Variants in SLC3A1 observed in about 807,000 individuals in gnomAD.
The protein encoded by SLC3A1 is amino acid transporter heavy chain SLC3A1.
In SLC3A1, 78 loss-of-function variants were observed where a neutral mutation model predicts 60.3. The observed-to-expected ratio is 1.29, with a 90% CI of 1.08 to 1.56. The LOEUF is 1.56. Ranked by LOEUF, SLC3A1 falls within the 40% of genes most tolerant of loss-of-function variation. The probability of loss-of-function intolerance (pLI) is 0.00; values close to 1 mark genes in which losing one functional copy is unlikely to be tolerated. For missense variants in SLC3A1, 1,172 were observed against 858.9 expected (o/e 1.36, Z -4.56); for synonymous variants, 392 against 307.9 (o/e 1.27, Z -2.86).
At position 44,304,314 on chromosome 2, in the gene SLC3A1, A is replaced by G. The variant is rs1329230666; in HGVS notation, c.1308A>G (p.Pro436=). 1 of 1,614,150 alleles carries G rather than the reference A, an allele frequency of 6.2e-7. No homozygotes were observed. The highest frequency in any genetic ancestry group is 8.5e-7 in the Non-Finnish European group (1 of 1,179,962). ...TCACATCCTGGATGGAAAACATGCCAGAAGGAAAATGGCCTAACTGGATGG... is the reference window on the plus strand; with the variant it reads ...TCACATCCTGGATGGAAAACATGCCGGAAGGAAAATGGCCTAACTGGATGG... ...EVITSWMENM[P]EGKWPNWMIG... is the part of the protein sequence containing the mutation. The change falls in exon 7 of 10, where the codon CCA becomes CCG. Residue 436 remains proline (P), a synonymous_variant. Transcript: ENST00000260649.
intron 4 of SLC3A1, among the ~76,000 whole-genome samples, chr2:44,288,668 A>G (rs1204943851): frequency 1.3e-5 from 2 of 152,150 alleles, no homozygotes; most frequent in Non-Finnish European, 2.9e-5. Flanking sequence ...GTTATTGCAT[A>G]TATTTTTTAT....
chr2:44,321,780 G>A (rs1284156667), downstream of SLC3A1: 10 of 1,613,514 alleles, frequency 6.2e-6, no homozygotes, highest in African/African-American at 5.3e-5. Context: ...AAAACAACAT[G>A]TATCTAGTTC....
chr2:44,318,903 A>G (rs996738941), intron 9 of SLC3A1: 9 of 152,334 alleles, frequency 5.9e-5, no homozygotes, highest in Admixed American at 5.9e-4. Flanking sequence ...AAAATATAGA[A>G]AATACTCAAA....
At chr2:44,301,208 G>A (rs1311629605) in intron 6 of SLC3A1, 81 bp downstream of exon 6, 2 of 1,552,292 alleles carry the variant, frequency 1.3e-6, no homozygotes, top group Admixed American at 3.4e-5. Context: ...AAGTGTATTT[G>A]GAGGTTCAAG....
chr2:44,303,017 G>A (rs562526575), intron 6 of SLC3A1, among the ~76,000 whole-genome samples: 2 of 151,990 alleles, frequency 1.3e-5, no homozygotes, highest in South Asian at 2.1e-4. Context: ...TGGCCAACAT[G>A]GTGAAACCCT....
chr2:44,306,805 T>C (rs1049735500), intron 7 of SLC3A1, among the ~76,000 whole-genome samples: 6 of 151,922 alleles, frequency 3.9e-5, no homozygotes, highest in Non-Finnish European at 8.8e-5. Flanking sequence ...GATCCACCCA[T>C]CTTGGCCTCC....
At chr2:44,288,483 T>G (rs1027817056) in intron 4 of SLC3A1, among the ~76,000 whole-genome samples, 3 of 152,170 alleles carry the variant, frequency 2.0e-5, no homozygotes, top group African/African-American at 7.2e-5. Flanking sequence ...AGGTTTTGCC[T>G]ATTCTGGACA....
rs142727811 is a variant in SLC3A1 at position 44,315,958 on chromosome 2, C to A, written c.1617+2007C>A. On this transcript the variant is annotated intron_variant, in intron 9 of 9. Transcript: ENST00000260649. Reference sequence around the variant, plus strand: ...TGTGGAATGCTCTCAGAAAGGAGAGCTTTTACTACTCAGCTCAGAGTCACA... The same window carrying A: ...TGTGGAATGCTCTCAGAAAGGAGAGATTTTACTACTCAGCTCAGAGTCACA... Among the ~76,000 whole-genome samples the A allele has an allele frequency of 7.1e-3, 1,085 of 152,260 alleles. 16 individuals are homozygous for A. Among genetic ancestry groups the A allele is most frequent in the African/African-American group, 0.025 (1,042 of 41,524 alleles).
rs759178209 is a variant in SLC3A1 at position 44,275,540 on chromosome 2, C to G, written c.5C>G (p.Ala2Gly). 1.9e-6 allele frequency: 3 copies of G among 1,613,902 alleles called. No individual in the cohort carries two copies. Among genetic ancestry groups the G allele is most frequent in the Non-Finnish European group, 8.5e-7 (1 of 1,179,896 alleles). MAEDKSKRDSIE... is the reference protein window; with the variant it reads MGEDKSKRDSIE... ...GAAGACATAAGTCGGTGAGACATGGCTGAAGATAAAAGCAAGAGAGACTCC... is the reference window on the plus strand; with the variant it reads ...GAAGACATAAGTCGGTGAGACATGGGTGAAGATAAAAGCAAGAGAGACTCC... Residue 2 changes from alanine to glycine, a missense_variant, in exon 1 of 10, where the codon GCT becomes GGT. By Grantham distance (60) the Ala-to-Gly change is moderately conservative. Transcript: ENST00000260649.
intron 4 of SLC3A1, among the ~76,000 whole-genome samples, chr2:44,291,795 C>A (rs1013010189): frequency 8.5e-5 from 13 of 152,118 alleles, no homozygotes; most frequent in African/African-American, 3.1e-4. Flanking sequence ...CCTCCCCGCT[C>A]CTATCAGATT....
chr2:44,281,120 C>T (rs549760155), intron 2 of SLC3A1, among the ~76,000 whole-genome samples: 8 of 145,598 alleles, frequency 5.5e-5, no homozygotes, highest in Non-Finnish European at 1.5e-5. Flanking sequence ...TCCCTATCTC[C>T]TTTCTTCCCC....
intron 4 of SLC3A1, among the ~76,000 whole-genome samples, chr2:44,299,156 G>A (rs923323573): frequency 2.0e-4 from 30 of 150,964 alleles, no homozygotes; most frequent in Non-Finnish European, 1.5e-4. Flanking sequence ...CTCCTGCCTC[G>A]GCCTCCCGAG....
intron 7 of SLC3A1, among the ~76,000 whole-genome samples, chr2:44,310,506 A>T (rs1240653336): frequency 6.6e-6 from 1 of 152,068 alleles, no homozygotes; most frequent in African/African-American, 2.4e-5. Flanking sequence ...GTCAGTTGCT[A>T]ATCTTATTGA....
chr2:44,315,837 A>G (rs1672425012), intron 9 of SLC3A1, among the ~76,000 whole-genome samples: 1 of 152,132 alleles, frequency 6.6e-6, no homozygotes, highest in Admixed American at 6.5e-5. Flanking sequence ...TGGCAGAATT[A>G]GTAGAACAAA....
intron 9 of SLC3A1, chr2:44,319,205 TAAC>T (rs1672706563): frequency 6.6e-6 from 1 of 152,560 alleles, no homozygotes; most frequent in Non-Finnish European, 1.5e-5. Flanking sequence ...TAAAGAACAA[TAAC>T]AACCACAATA....
At chr2:44,278,182 C>T (rs143882164) in intron 1 of SLC3A1, among the ~76,000 whole-genome samples, 4,805 of 152,048 alleles carry the variant, frequency 0.032, 110 homozygotes, top group Non-Finnish European at 0.049. Context: ...TGGTGGCTCA[C>T]GCCTGTAATC....
chr2:44,286,937 T>G (rs570608348), intron 4 of SLC3A1, among the ~76,000 whole-genome samples: 1 of 152,328 alleles, frequency 6.6e-6, no homozygotes, highest in Admixed American at 6.5e-5. Flanking sequence ...GATGGTTATT[T>G]GGCTTTCATG....
rs750859409 is a variant in SLC3A1, at chr2:44,312,663, C to G, written c.1410C>G (p.Phe470Leu). The G allele has an allele frequency of 2.5e-6, 4 of 1,613,654 alleles. No individual in the cohort carries two copies. The part of the protein sequence containing the change: ...QYVNVMNMLL[F>L]TLPGTPITYY... ...TCAACGTGATGAACATGCTTCTTTT[C>G]ACACTCCCTGGAACTCCTATAACTT... is the stretch of plus-strand genomic sequence containing the variant. The change falls in exon 8 of 10, where the codon TTC becomes TTG. Residue 470 changes from phenylalanine to leucine, a missense_variant. By Grantham distance (22) the Phe-to-Leu change is conservative. Coordinates refer to ENST00000260649, the MANE Select transcript of SLC3A1 (RefSeq NM_000341.4).
chr2:44,301,358 T>G, intron 6 of SLC3A1: 1 of 614,812 alleles, frequency 1.6e-6, no homozygotes, highest in East Asian at 2.7e-5. Context: ...CACTACGTAC[T>G]TCACAGGAGT....
Sources: allele counts gnomAD v4.1 joint callset (sites outside exome capture counted in the v4.1 genomes callset), GRCh38; gene constraint gnomAD v4.1.1; transcripts MANE v1.5; gene names NCBI Gene and HGNC (gene_info 2026-07-23, HGNC 2026-07-21).